The following NEK3 variants were observed in gnomAD, a reference collection of about 807,000 sequenced individuals.
NEK3 encodes the protein NIMA related kinase 3.
In NEK3, 54 loss-of-function variants were observed where a neutral mutation model predicts 66.0. The observed-to-expected ratio is 0.82, with a 90% CI of 0.66 to 1.03. The LOEUF (loss-of-function observed/expected upper bound fraction) is 1.03, where lower values mean the gene tolerates loss of function less well. Ranked by LOEUF, NEK3 falls within the 50% of genes least tolerant of loss-of-function variation. The pLI is 0.00. For missense variants in NEK3, 593 were observed against 603.0 expected, an observed-to-expected ratio of 0.98 and a Z score of 0.17; for synonymous variants, 200 against 206.2, an observed-to-expected ratio of 0.97 and a Z score of 0.26.
intron 8 of NEK3, among the ~76,000 whole-genome samples, chr13:52,145,126 G>A (rs1310781314): frequency 6.6e-6 from 1 of 152,100 alleles, no homozygotes; most frequent in African/African-American, 2.4e-5. Flanking sequence ...AATGCCTGCT[G>A]TGACTACCTT....
chr13:52,136,868 G>C lies in NEK3; in HGVS notation c.962C>G (p.Thr321Ser), dbSNP rs1482283111. Residue 321 changes from threonine to serine, a missense_variant, in exon 12 of 16, where the codon ACT becomes AGT. Coordinates refer to ENST00000610828, the MANE Select transcript of NEK3 (RefSeq NM_002498.3). ...ATTTTCATTAATGCTTTCCAAATCAGTATGGCTACCCTTTCTATCTTGTTC... is the reference window on the plus strand; with the variant it reads ...ATTTTCATTAATGCTTTCCAAATCACTATGGCTACCCTTTCTATCTTGTTC... Reference protein sequence around the residue: ...EEEQDRKGSHTDLESINENLV... With the variant: ...EEEQDRKGSHSDLESINENLV... 6.4e-7 allele frequency: 1 copy of C among 1,573,576 alleles called. No individual in the cohort carries two copies. Among genetic ancestry groups the C allele is most frequent in the Non-Finnish European group, 8.6e-7 (1 of 1,158,312 alleles).
In NEK3 at chr13:52,156,243, C is replaced by G; in HGVS notation, c.-52G>C. ...CACTCACGCAGTCACCATGGGCTCTCCCAAACTGCATTCAAAAGCAGAAAC... is the reference window on the plus strand; with the variant it reads ...CACTCACGCAGTCACCATGGGCTCTGCCAAACTGCATTCAAAAGCAGAAAC... On this transcript the variant is annotated 5_prime_UTR_variant, in exon 2 of 16. Coordinates refer to ENST00000610828, the MANE Select transcript of NEK3 (RefSeq NM_002498.3). 9.5e-7 allele frequency: 1 copy of G among 1,057,348 alleles called. No homozygotes were observed. The highest frequency in any genetic ancestry group is 2.5e-5 in the East Asian group (1 of 39,296). 65.5% of individuals were successfully genotyped at this position (1,057,348 alleles called of 1,614,324 possible). A position where few individuals can be genotyped will look rare whatever the true frequency, so the allele number is the denominator to read the frequency against.
intron 2 of NEK3, 35 bp from the exon 3 acceptor site, chr13:52,154,208 A>G (rs1956372673): frequency 1.5e-6 from 2 of 1,298,262 alleles, no homozygotes; most frequent in Non-Finnish European, 2.2e-6. Flanking sequence ...TAAACTTAAT[A>G]CTGCATTTTA....
intron 15 of NEK3, 42 bp downstream of exon 15, chr13:52,133,643 ACACC>A: frequency 3.9e-6 from 6 of 1,540,300 alleles, no homozygotes; most frequent in African/African-American, 1.4e-5. Flanking sequence ...ACACACACAC[ACACC>A]CCCAACCCCA....
intron 7 of NEK3, among the ~76,000 whole-genome samples, chr13:52,148,960 C>T (rs753327744): frequency 5.9e-5 from 9 of 152,136 alleles, no homozygotes; most frequent in Non-Finnish European, 8.8e-5. Flanking sequence ...CTCACAATCT[C>T]GGCTCACTGC....
chr13:52,150,653 A>G (rs899996683), intron 7 of NEK3, among the ~76,000 whole-genome samples: 15 of 152,120 alleles, frequency 9.9e-5, no homozygotes, highest in Admixed American at 7.2e-4. Context: ...ACCTCCTGCA[A>G]TCAACTTACC....
At chr13:52,159,485 C>G (rs901814710) in intron 1 of NEK3, 58 bp downstream of exon 1, 1 of 152,562 alleles carries the variant, frequency 6.6e-6, no homozygotes, top group African/African-American at 2.4e-5. Flanking sequence ...CTCCGCGCCG[C>G]GACCACGCGC....
chr13:52,143,604 T>C (rs2138198280), intron 10 of NEK3, among the ~76,000 whole-genome samples: 1 of 152,338 alleles, frequency 6.6e-6, no homozygotes, highest in African/African-American at 2.4e-5. Flanking sequence ...GGATAGATTC[T>C]TAGGTCAGGC....
intron 6 of NEK3, 31 bp from the exon 7 acceptor site, chr13:52,151,263 C>A (rs747776577): frequency 6.3e-7 from 1 of 1,596,398 alleles, no homozygotes; most frequent in South Asian, 1.1e-5. Flanking sequence ...CGAATGATTA[C>A]AGAACATTCC....
rs760187750 is a variant in NEK3 at position 52,154,160 on chromosome 13, G to A, written c.131C>T (p.Thr44Ile). ...EIRLPKSFSN[T>I]QNSRKEAVLL... ...AACAGCCTCCTTCCTAGAATTCTGTGTATTAGAGAAAGACTAGAAAAACAT... is the reference window on the plus strand; with the variant it reads ...AACAGCCTCCTTCCTAGAATTCTGTATATTAGAGAAAGACTAGAAAAACAT... The change falls in exon 3 of 16, where the codon ACA (threonine) becomes ATA (isoleucine). Residue 44 changes from threonine to isoleucine, a missense_variant. By Grantham distance (89) the Thr-to-Ile change is moderately conservative. Transcript: ENST00000610828. 1 of 1,602,554 alleles carries A rather than the reference G, an allele frequency of 6.2e-7. No homozygotes were observed. The highest frequency in any genetic ancestry group is 8.5e-7 in the Non-Finnish European group (1 of 1,172,896).
chr13:52,141,313 T>A (rs1236991705), intron 10 of NEK3, among the ~76,000 whole-genome samples: 2 of 152,158 alleles, frequency 1.3e-5, no homozygotes, highest in Non-Finnish European at 2.9e-5. Flanking sequence ...TTAAAAGACA[T>A]CTCTATTCAC....
At chr13:52,154,240 C>T in intron 2 of NEK3, 67 bp from the exon 3 acceptor site, 1 of 1,023,828 alleles carries the variant, frequency 9.8e-7, no homozygotes, top group Non-Finnish European at 1.4e-6. Flanking sequence ...TTTACAATAA[C>T]ATGGTTTATA....
chr13:52,157,446 G>C (rs543028797), intron 1 of NEK3: 4 of 152,290 alleles, frequency 2.6e-5, no homozygotes, highest in Non-Finnish European at 4.4e-5. Flanking sequence ...GCATGAACCA[G>C]ATGGTTTCTT....
intron 1 of NEK3, among the ~76,000 whole-genome samples, chr13:52,157,941 G>A (rs1304626224): frequency 6.6e-6 from 1 of 152,150 alleles, no homozygotes; most frequent in Non-Finnish European, 1.5e-5. Context: ...GCAATGGTGC[G>A]ATCTCGGCTC....
At chr13:52,149,706 A>G (rs1956325338) in intron 7 of NEK3, among the ~76,000 whole-genome samples, 1 of 151,880 alleles carries the variant, frequency 6.6e-6, no homozygotes, top group Non-Finnish European at 1.5e-5. Flanking sequence ...CATCTCTACT[A>G]AAAAATACAA....
At chr13:52,145,381 G>A (rs1022579734) in intron 8 of NEK3, among the ~76,000 whole-genome samples, 1 of 152,106 alleles carries the variant, frequency 6.6e-6, no homozygotes, top group African/African-American at 2.4e-5. Flanking sequence ...ACAGCTCACT[G>A]CATCTTTGAC....
chr13:52,134,421 C>T (rs1956185188), intron 14 of NEK3, among the ~76,000 whole-genome samples: 1 of 151,966 alleles, frequency 6.6e-6, no homozygotes, highest in Admixed American at 6.6e-5. Context: ...TAAAAGTTAC[C>T]CTTGGAAGTT....
Position 52,143,444 on chromosome 13 carries a change from G to A in NEK3, c.877+471C>T, listed in dbSNP as rs9568714. 8.5e-5 allele frequency among the ~76,000 whole-genome samples: 13 copies of A among 152,060 alleles called. No homozygotes were observed. In the East Asian group the frequency reaches 1.3e-3, roughly 16 times the overall value. ...ACTAACATGCCACACCATTACAGTC[G>A]ATAAACCTACTCCGACGCATCACTA... is the stretch of plus-strand genomic sequence containing the variant. On this transcript the variant is annotated intron_variant, in intron 10 of 15. Coordinates refer to ENST00000610828, the MANE Select transcript of NEK3 (RefSeq NM_002498.3).
chr13:52,147,743 G>A (rs1956306219), intron 8 of NEK3, among the ~76,000 whole-genome samples: 1 of 152,042 alleles, frequency 6.6e-6, no homozygotes, highest in South Asian at 2.1e-4. Context: ...AGGCCGAGGC[G>A]AGTGGATCAC....
Sources: gnomAD v4.1 joint callset for allele counts (sites outside exome capture counted in the v4.1 genomes callset) on GRCh38, gnomAD v4.1.1 for gene constraint, MANE v1.5 for transcripts, NCBI Gene and HGNC (gene_info 2026-07-23, HGNC 2026-07-21) for gene names.